The following UGT2A1 variants were observed in gnomAD, a reference collection of about 807,000 sequenced individuals.
UGT2A1 encodes the protein UDP glucuronosyltransferase family 2 member A1 complex locus, also known as UDP-glucuronosyltransferase 2A1.
Under a neutral mutation model 45.4 loss-of-function variants are expected in UGT2A1, and 61 were observed. The ratio of observed to expected loss-of-function variants is 1.34; its 90% CI spans 1.09 to 1.66. The LOEUF is 1.66. UGT2A1 is among the 40% of genes most tolerant of loss of function. UGT2A1 has a pLI of 0.00. For synonymous variants in UGT2A1, 229 were observed against 196.2 expected (o/e 1.17, Z -1.40); for missense variants, 649 against 574.3 (o/e 1.13, Z -1.33).
chr4:69,603,287 G>A (rs1019207555), intron 3 of UGT2A1, among the ~76,000 whole-genome samples: 1 of 135,724 alleles, frequency 7.4e-6, no homozygotes, highest in Non-Finnish European at 1.6e-5. Context: ...AAGGAAAGCA[G>A]TTAAGATAGT....
At chr4:69,623,492 T>C (rs1407289873) in intron 3 of UGT2A1, among the ~76,000 whole-genome samples, 1 of 151,718 alleles carries the variant, frequency 6.6e-6, no homozygotes, top group Non-Finnish European at 1.5e-5. Context: ...TGTGCATACA[T>C]GTAAAAAAAT....
chr4:69,649,111 T>A (rs4148277), intron 1 of UGT2A1, among the ~76,000 whole-genome samples: 56,851 of 151,992 alleles, frequency 0.37, 11,092 homozygotes, highest in East Asian at 0.6. Flanking sequence ...ATCCTTTTCA[T>A]GTTAATAAAT....
chr4:69,608,737 C>T (rs912993645), intron 3 of UGT2A1, among the ~76,000 whole-genome samples: 1 of 151,960 alleles, frequency 6.6e-6, no homozygotes, highest in Non-Finnish European at 1.5e-5. Flanking sequence ...CTCTTGTTGC[C>T]CAGGCTGGAG....
Position 69,605,908 on chromosome 4 carries a change from C to A in UGT2A1, c.848-6514G>T, listed in dbSNP as rs1422279917. 2.2e-5 allele frequency among the ~76,000 whole-genome samples: 3 copies of A among 136,480 alleles called. 1 individual carries two copies. The highest frequency in any genetic ancestry group is 4.7e-5 in the Non-Finnish European group (3 of 64,216). 89.5% of individuals were successfully genotyped at this position (136,480 alleles called of 152,430 possible). Reference sequence around the variant, plus strand: ...AATCTCTGAATAGACCAATAACAGGCTCTGAAATTGAGGCAATAATTAATA... The same window carrying A: ...AATCTCTGAATAGACCAATAACAGGATCTGAAATTGAGGCAATAATTAATA... On this transcript the variant is annotated intron_variant, in intron 3 of 6. Coordinates refer to ENST00000286604, the MANE Select transcript of UGT2A1 (RefSeq NM_001252275.3).
intron 4 of UGT2A1, among the ~76,000 whole-genome samples, chr4:69,597,674 A>G (rs181799709): frequency 6.9e-4 from 105 of 152,114 alleles, no homozygotes; most frequent in African/African-American, 2.5e-3. Context: ...GTGCTTTGCC[A>G]TTTTGATTTA....
intron 2 of UGT2A1, among the ~76,000 whole-genome samples, chr4:69,645,096 C>T (rs1017287132): frequency 1.3e-5 from 2 of 151,676 alleles, no homozygotes; most frequent in African/African-American, 4.8e-5. Context: ...CATCTCTAGG[C>T]CTTACAAGCT....
At chr4:69,594,428 G>A (rs1718784284) in intron 6 of UGT2A1, 49 bp downstream of exon 6, 1 of 1,594,948 alleles carries the variant, frequency 6.3e-7, no homozygotes, top group East Asian at 2.2e-5. Flanking sequence ...CTGGTATTAT[G>A]AATAATGTAA....
intron 3 of UGT2A1, among the ~76,000 whole-genome samples, chr4:69,614,838 TAAAGA>T (rs1720281185): frequency 6.6e-6 from 1 of 151,974 alleles, no homozygotes; most frequent in Admixed American, 6.6e-5. Flanking sequence ...CTGTAGTTTA[TAAAGA>T]AAAGAGGTTT....
intron 3 of UGT2A1, among the ~76,000 whole-genome samples, chr4:69,600,901 C>A (rs1719247782): frequency 1.3e-5 from 2 of 152,064 alleles, no homozygotes; most frequent in Admixed American, 1.3e-4. Flanking sequence ...AATACTCTAC[C>A]CCCATGATCC....
chr4:69,625,511 CT>C (rs1238228134), intron 3 of UGT2A1, among the ~76,000 whole-genome samples: 2 of 150,836 alleles, frequency 1.3e-5, no homozygotes, highest in African/African-American at 4.8e-5. Context: ...TCTTTAAATT[CT>C]TTTTTTCTAT....
intron 3 of UGT2A1, among the ~76,000 whole-genome samples, chr4:69,616,603 C>T (rs1427693040): frequency 6.6e-6 from 1 of 151,920 alleles, no homozygotes; most frequent in Non-Finnish European, 1.5e-5. Flanking sequence ...TCCAGTTTAC[C>T]ATTTCCTGTA....
chr4:69,631,563 T>C (rs1386219547), intron 3 of UGT2A1, among the ~76,000 whole-genome samples: 1 of 152,116 alleles, frequency 6.6e-6, no homozygotes, highest in East Asian at 1.9e-4. Flanking sequence ...TACAAAAATA[T>C]AACAGAATGA....
chr4:69,625,261 T>G (rs1398462446), intron 3 of UGT2A1, among the ~76,000 whole-genome samples: 1 of 151,064 alleles, frequency 6.6e-6, no homozygotes, highest in Non-Finnish European at 1.5e-5. Flanking sequence ...TATGATGTGA[T>G]AGAGGCATTT....
chr4:69,607,864 A>C (rs976622118), intron 3 of UGT2A1, among the ~76,000 whole-genome samples: 9 of 152,228 alleles, frequency 5.9e-5, no homozygotes, highest in Non-Finnish European at 1.2e-4. Flanking sequence ...ACAAAACCAC[A>C]ATGAGATACC....
At chr4:69,644,173 A>G (rs1476550388) in intron 2 of UGT2A1, among the ~76,000 whole-genome samples, 1 of 151,710 alleles carries the variant, frequency 6.6e-6, no homozygotes, top group Non-Finnish European at 1.5e-5. Flanking sequence ...GTTAAGAAAG[A>G]TTAGCCTCAT....
intron 3 of UGT2A1, among the ~76,000 whole-genome samples, chr4:69,618,629 A>C (rs924292158): frequency 3.3e-5 from 5 of 152,034 alleles, no homozygotes; most frequent in Non-Finnish European, 7.4e-5. Context: ...TAATTCCTGA[A>C]ACCCTCGATA....
rs1412453515 is a variant in UGT2A1, at chr4:69,589,559, A to G, written c.1397T>C (p.Met466Thr). ...DRAVFWIEFV[M>T]RHKGAKHLRV... Reference sequence around the variant, plus strand: ...AAGGTGCTTGGCTCCTTTGTGGCGCATGACAAACTCGATCCAGAAGACTGC... The same window carrying G: ...AAGGTGCTTGGCTCCTTTGTGGCGCGTGACAAACTCGATCCAGAAGACTGC... The change falls in exon 7 of 7, where the codon ATG (methionine) becomes ACG (threonine). Residue 466 changes from methionine (M) to threonine (T), a missense_variant. Physicochemically the swap from Met to Thr is moderately conservative, Grantham distance 81. Transcript: ENST00000286604. 5 of 1,614,004 alleles carry G rather than the reference A, an allele frequency of 3.1e-6. No individual in the cohort carries two copies. Among genetic ancestry groups the G allele is most frequent in the African/African-American group, 1.3e-5 (1 of 74,924 alleles).
rs1483732689 is a variant in UGT2A1, at chr4:69,594,616, C to A, written c.1165G>T (p.Val389Leu). The A allele has an allele frequency of 1.9e-6, 3 of 1,614,126 alleles. No individual in the cohort carries two copies. The stretch of plus-strand genomic sequence containing the variant: ...TGATCAGCAAACATGGGAACTCCCA[C>A]CATAGGGACTCCGTGGTAAATAGCT... ...YEAIYHGVPM[V>L]GVPMFADQPD... is the part of the protein sequence containing the mutation. Residue 389 changes from valine to leucine, a missense_variant, in exon 6 of 7, where the codon GTG (valine) becomes TTG (leucine). Transcript: ENST00000286604.
At chr4:69,595,858 T>C (rs1483524219) in intron 4 of UGT2A1, among the ~76,000 whole-genome samples, 1 of 152,230 alleles carries the variant, frequency 6.6e-6, no homozygotes, top group African/African-American at 2.4e-5. Flanking sequence ...ATTATATTTT[T>C]AGCATAATTT....
Sources: gnomAD v4.1 joint callset for allele counts (sites outside exome capture counted in the v4.1 genomes callset) on GRCh38, gnomAD v4.1.1 for gene constraint, MANE v1.5 for transcripts, NCBI Gene and HGNC (gene_info 2026-07-23, HGNC 2026-07-21) for gene names.